The following ST7 variants were observed in gnomAD, a reference collection of about 807,000 sequenced individuals.
ST7 encodes the protein suppressor of tumorigenicity 7 protein.
A neutral mutation model predicts 78.7 loss-of-function variants in ST7; 28 were observed. That is an observed-to-expected ratio of 0.36 (90% CI 0.26 to 0.49). The LOEUF (loss-of-function observed/expected upper bound fraction) is 0.49. ST7 is among the 20% of genes least tolerant of loss of function. The pLI is 0.99. For synonymous variants in ST7, 247 were observed against 249.6 expected (o/e 0.99, Z 0.10); for missense variants, 418 against 696.0 (o/e 0.60, Z 4.49).
intron 1 of ST7, among the ~76,000 whole-genome samples, chr7:117,032,041 G>A (rs930133386): frequency 4.0e-5 from 6 of 151,364 alleles, no homozygotes; most frequent in African/African-American, 1.5e-4. Flanking sequence ...GCCACCACGT[G>A]TGGCTAATTT....
At chr7:116,970,556 C>T (rs1343793930) in intron 1 of ST7, among the ~76,000 whole-genome samples, 1 of 152,168 alleles carries the variant, frequency 6.6e-6, no homozygotes, top group Non-Finnish European at 1.5e-5. Context: ...TCTCGTGTCT[C>T]TTCTTATAAG....
chr7:117,179,708 G>A (rs554577130), intron 10 of ST7, among the ~76,000 whole-genome samples: 22 of 152,188 alleles, frequency 1.4e-4, no homozygotes, highest in African/African-American at 4.6e-4. Context: ...GGGTGTGGGG[G>A]GGTAGGGGGA....
At chr7:117,098,073 T>C (rs992762752) in intron 1 of ST7, among the ~76,000 whole-genome samples, 1 of 150,972 alleles carries the variant, frequency 6.6e-6, no homozygotes, top group Non-Finnish European at 1.5e-5. Flanking sequence ...ACTGAACACA[T>C]TGTGTTAGTC....
intron 1 of ST7, chr7:117,074,681 A>G (rs1368422272): frequency 6.6e-6 from 1 of 152,236 alleles, no homozygotes. Context: ...TTGAGAGATT[A>G]AACCTCCTAA....
intron 1 of ST7, among the ~76,000 whole-genome samples, chr7:116,974,841 G>T (rs756026591): frequency 1.1e-4 from 17 of 152,312 alleles, no homozygotes; most frequent in Admixed American, 4.6e-4. Context: ...GGTGAGGCAA[G>T]TGAGGTTGCT....
intron 1 of ST7, among the ~76,000 whole-genome samples, chr7:116,988,001 A>G (rs538607995): frequency 6.6e-6 from 1 of 152,374 alleles, no homozygotes; most frequent in East Asian, 1.9e-4. Flanking sequence ...TGCTGGGATT[A>G]CAGGCGTGAG....
chr7:117,161,596 T>TTC (rs1357239208), intron 9 of ST7, among the ~76,000 whole-genome samples: 1 of 144,698 alleles, frequency 6.9e-6, no homozygotes, highest in African/African-American at 2.6e-5. Flanking sequence ...TCTTTCTTTT[T>TTC]TTTTTTTTTT....
At position 117,145,533 on chromosome 7, in the gene ST7, C is replaced by T. The variant is rs1487332472; in HGVS notation, c.963+7001C>T. On this transcript the variant is annotated intron_variant, in intron 9 of 15. Transcript: ENST00000323984. ...AATCTCTGACATTCCCTTGTAGCTGCATTACCCCAGTCTCTGCCTGTCTTC... is the reference window on the plus strand; with the variant it reads ...AATCTCTGACATTCCCTTGTAGCTGTATTACCCCAGTCTCTGCCTGTCTTC... 2.6e-5 allele frequency: 4 copies of T among 152,214 alleles called. No homozygotes were observed. In the South Asian group the frequency reaches 8.3e-4, roughly 32 times the overall value. The allele number at this position is 152,214 out of a possible 1,614,324, so 9.4% of individuals were successfully genotyped here.
At chr7:117,083,182 C>T (rs765228842) in intron 1 of ST7, among the ~76,000 whole-genome samples, 11 of 151,910 alleles carry the variant, frequency 7.2e-5, no homozygotes, top group Non-Finnish European at 1.5e-4. Flanking sequence ...GCTTCAGCTT[C>T]CAGAGTAGCT....
At chr7:116,965,065 C>T (rs951051871) in intron 1 of ST7, among the ~76,000 whole-genome samples, 4 of 152,112 alleles carry the variant, frequency 2.6e-5, no homozygotes, top group African/African-American at 7.2e-5. Flanking sequence ...GACGGCCGGG[C>T]GCGGTGGCTC....
chr7:117,176,886 G>T (rs1256987752), intron 10 of ST7, among the ~76,000 whole-genome samples: 2 of 152,156 alleles, frequency 1.3e-5, no homozygotes, highest in Middle Eastern at 3.2e-3. Flanking sequence ...AAGAAGATTT[G>T]GTATGCTGTC....
At chr7:117,078,045 T>G (rs1433880207) in intron 1 of ST7, among the ~76,000 whole-genome samples, 1 of 152,158 alleles carries the variant, frequency 6.6e-6, no homozygotes, top group Non-Finnish European at 1.5e-5. Flanking sequence ...AAAAGAGCCT[T>G]GTAGTTCAAA....
intron 1 of ST7, among the ~76,000 whole-genome samples, chr7:116,998,836 C>A (rs1267428022): frequency 1.3e-5 from 2 of 152,108 alleles, no homozygotes; most frequent in Non-Finnish European, 2.9e-5. Flanking sequence ...ATATATTGAA[C>A]TTAAGTGGTC....
chr7:117,030,267 G>A (rs1404642386), intron 1 of ST7, among the ~76,000 whole-genome samples: 1 of 152,044 alleles, frequency 6.6e-6, no homozygotes, highest in Non-Finnish European at 1.5e-5. Context: ...TATTTGGAGT[G>A]GAATGACTTA....
intron 1 of ST7, among the ~76,000 whole-genome samples, chr7:117,067,229 G>A (rs1438604789): frequency 5.3e-5 from 8 of 151,908 alleles, no homozygotes; most frequent in African/African-American, 1.9e-4. Flanking sequence ...GCATGGACAT[G>A]TGTTTTCAAT....
At position 117,129,784 on chromosome 7, in the gene ST7, TTG is replaced by T; in HGVS notation, c.395-7_395-6del. On this transcript the variant is annotated splice_polypyrimidine_tract_variant and splice_region_variant and intron_variant, in intron 3 of 15. Coordinates refer to ENST00000323984, the MANE Select transcript of ST7 (RefSeq NM_001369598.1). Reference sequence around the variant, plus strand: ...ACGCGTAACATTTTCATATTTCTCTTTGTTGCAGAATGCAAAGTATGGCGAAA... The same window carrying T: ...ACGCGTAACATTTTCATATTTCTCTTTTGCAGAATGCAAAGTATGGCGAAA... 1.2e-6 allele frequency: 2 copies of T among 1,608,492 alleles called. No homozygotes were observed. The highest frequency in any genetic ancestry group is 2.2e-5 in the South Asian group (2 of 90,542).
At chr7:117,211,120 C>T (rs944857333) in intron 13 of ST7, among the ~76,000 whole-genome samples, 1 of 152,170 alleles carries the variant, frequency 6.6e-6, no homozygotes, top group Admixed American at 6.5e-5. Context: ...TAAAAATAAG[C>T]TACAGATGGG....
intron 1 of ST7, among the ~76,000 whole-genome samples, chr7:117,011,817 G>T (rs1436100197): frequency 2.0e-5 from 3 of 152,108 alleles, no homozygotes; most frequent in Non-Finnish European, 4.4e-5. Context: ...TTGGGAAGGG[G>T]GCATCTAGGC....
intron 12 of ST7, among the ~76,000 whole-genome samples, chr7:117,201,502 T>C (rs1810842541): frequency 6.6e-6 from 1 of 151,762 alleles, no homozygotes; most frequent in African/African-American, 2.4e-5. Flanking sequence ...TCCTATTTCA[T>C]CTCTCCTCAG....
Sources: allele counts gnomAD v4.1 joint callset (sites outside exome capture counted in the v4.1 genomes callset), GRCh38; gene constraint gnomAD v4.1.1; transcripts MANE v1.5; gene names NCBI Gene and HGNC (gene_info 2026-07-23, HGNC 2026-07-21).